Variants in C2orf74 observed in about 807,000 individuals in gnomAD.
C2orf74 encodes uncharacterized protein C2orf74.
In C2orf74, 14 loss-of-function variants were observed where a neutral mutation model predicts 17.9. The observed-to-expected ratio is 0.78, with a 90% CI of 0.52 to 1.22. The LOEUF is 1.22. Ranked by LOEUF, C2orf74 falls within the 50% of genes most tolerant of loss-of-function variation. The probability of loss-of-function intolerance (pLI) is 0.00; values close to 1 mark genes in which losing one functional copy is unlikely to be tolerated. For missense variants in C2orf74, 217 were observed against 218.4 expected, an observed-to-expected ratio of 0.99 and a Z score of 0.04; for synonymous variants, 79 against 72.6, an observed-to-expected ratio of 1.09 and a Z score of -0.44.
chr2:61,162,693 CA>C (rs1685599324), intron 2 of C2orf74, 84 bp downstream of exon 2: 1 of 1,095,370 alleles, frequency 9.1e-7, no homozygotes, highest in African/African-American at 1.6e-5. Flanking sequence ...CAATTTAAAA[CA>C]GAACAAGTAA....
At chr2:61,153,617 G>A (rs556951347) in intron 1 of C2orf74, among the ~76,000 whole-genome samples, 32 of 150,540 alleles carry the variant, frequency 2.1e-4, no homozygotes, top group African/African-American at 6.8e-4. Flanking sequence ...AACTGGGCGC[G>A]GTGGCTCACG....
In C2orf74 at chr2:61,164,382, CT is replaced by C. The variant is rs2103653277; in HGVS notation, c.420del (p.Val141SerfsTer15). ...GATGGTTTGCAGAAAATACACACAT[CT>C]GTCACTAGAACTCCTTCAGTTGTTG... ...EDDGLQKIHT[S>X]VTRTPSVVES... On this transcript the variant is annotated frameshift_variant, in exon 5 of 5. Coordinates refer to ENST00000432605, the MANE Select transcript of C2orf74 (RefSeq NM_001143959.4). LOFTEE classifies it high-confidence loss of function. 1.3e-6 allele frequency: 2 copies of C among 1,548,216 alleles called. No homozygotes were observed. The highest frequency in any genetic ancestry group is 1.7e-6 in the Non-Finnish European group (2 of 1,145,984).
At position 61,145,419 on chromosome 2, in the gene C2orf74, T is replaced by G. The variant is rs1051853204; in HGVS notation, c.-122+223T>G. ...AGATGCTTAGCTGCATGTTTTTGTG[T>G]TTTTTATTTATTTATTTATTTTTTT... On this transcript the variant is annotated intron_variant, in intron 1 of 3. Transcript: ENST00000426997. Among the ~76,000 whole-genome samples, 54 of 152,084 alleles carry G rather than the reference T, an allele frequency of 3.6e-4. 1 individual carries two copies. Among genetic ancestry groups the G allele is most frequent in the Admixed American group, 3.3e-3 (51 of 15,252 alleles).
chr2:61,151,062 A>G (rs1361152900), intron 1 of C2orf74, among the ~76,000 whole-genome samples: 4 of 152,256 alleles, frequency 2.6e-5, no homozygotes, highest in African/African-American at 9.6e-5. Flanking sequence ...TCACGCCTGT[A>G]ATCCCAGCAC....
intron 1 of C2orf74, among the ~76,000 whole-genome samples, chr2:61,155,039 T>C (rs1255789658): frequency 6.6e-6 from 1 of 152,164 alleles, no homozygotes; most frequent in Non-Finnish European, 1.5e-5. Context: ...CACTCCAGCC[T>C]GGGCAACACA....
chr2:61,162,761 T>C (rs981885953), intron 2 of C2orf74, 81 bp from the exon 3 acceptor site: 5 of 1,219,250 alleles, frequency 4.1e-6, no homozygotes, highest in Non-Finnish European at 5.9e-6. Flanking sequence ...TGATATCCTG[T>C]TTAAACGTGA....
chr2:61,152,145 G>C (rs1426425230), intron 1 of C2orf74: 1 of 152,390 alleles, frequency 6.6e-6, no homozygotes, highest in Non-Finnish European at 1.5e-5. Context: ...GTAGAACAAC[G>C]AGTGGTTTAG....
At chr2:61,149,868 C>T (rs555570543) in intron 1 of C2orf74, among the ~76,000 whole-genome samples, 56 of 152,098 alleles carry the variant, frequency 3.7e-4, no homozygotes, top group Non-Finnish European at 6.5e-4. Context: ...CATGAGCCAC[C>T]GCACGTAGAT....
At chr2:61,149,310 T>G (rs1488021170) in intron 1 of C2orf74, among the ~76,000 whole-genome samples, 1 of 152,140 alleles carries the variant, frequency 6.6e-6, no homozygotes, top group Non-Finnish European at 1.5e-5. Flanking sequence ...GGGCCATAGA[T>G]GTGTCCTGCT....
upstream of C2orf74, chr2:61,161,651 T>TTG (rs1437663541): frequency 6.6e-6 from 1 of 152,246 alleles, no homozygotes; most frequent in Non-Finnish European, 1.5e-5. Flanking sequence ...TGTTGAAGAC[T>TTG]TGTGCATCAA....
At chr2:61,145,225 G>A (rs1490367381) in intron 1 of C2orf74, 1 of 152,190 alleles carries the variant, frequency 6.6e-6, no homozygotes, top group East Asian at 1.9e-4. Flanking sequence ...AGGAGTTTTA[G>A]CGTCATCTTT....
chr2:61,147,710 C>T (rs1685111490), intron 1 of C2orf74, among the ~76,000 whole-genome samples: 1 of 152,056 alleles, frequency 6.6e-6, no homozygotes, highest in Non-Finnish European at 1.5e-5. Flanking sequence ...TACGTTGATC[C>T]TTTAAAGATT....
At position 61,162,958 on chromosome 2, in the gene C2orf74, G is replaced by A. The variant is rs1174205642; in HGVS notation, c.209+3G>A. On this transcript the variant is annotated splice_donor_region_variant and intron_variant, in intron 3 of 4. Transcript: ENST00000432605. ...AGCAATCCAGAGGACCATGAAAGGC[G>A]AGTGTGGTGCAGGATGTGGCAGAGG... 1.9e-6 allele frequency: 3 copies of A among 1,552,322 alleles called. No individual in the cohort carries two copies. Among genetic ancestry groups the A allele is most frequent in the Non-Finnish European group, 1.7e-6 (2 of 1,147,020 alleles).
At position 61,163,084 on chromosome 2, in the gene C2orf74, C is replaced by T. The variant is rs141729970; in HGVS notation, c.242C>T (p.Pro81Leu). The change falls in exon 4 of 5, where the codon CCG (proline) becomes CTG (leucine). Residue 81 changes from proline (P) to leucine (L), a missense_variant. Pro to Leu is a moderately conservative substitution (Grantham distance 98). Coordinates refer to ENST00000432605, the MANE Select transcript of C2orf74 (RefSeq NM_001143959.4). ...ATGCAAGTCATGAACTTGAATGTGCCGATGAGGCCTGGCATTCTTGTCCAG... is the reference window on the plus strand; with the variant it reads ...ATGCAAGTCATGAACTTGAATGTGCTGATGAGGCCTGGCATTCTTGTCCAG... ...ILMQVMNLNV[P>L]MRPGILVQRQ... is the part of the protein sequence containing the mutation. 1,085 of 1,552,026 alleles carry T rather than the reference C, an allele frequency of 7.0e-4. 7 individuals carry two copies. The Middle Eastern group carries it at 9.5e-3, about 14-fold the overall frequency.
upstream of C2orf74, among the ~76,000 whole-genome samples, chr2:61,160,254 G>A (rs1446041184): frequency 5.3e-5 from 8 of 151,768 alleles, no homozygotes; most frequent in East Asian, 3.9e-4. Context: ...TCCGCCTCCT[G>A]GGTTCAAGCA....
intron 1 of C2orf74, among the ~76,000 whole-genome samples, chr2:61,153,133 A>G: frequency 6.7e-6 from 1 of 149,014 alleles, no homozygotes; most frequent in East Asian, 2.0e-4. Flanking sequence ...GGGCAACAAG[A>G]GCAAAACTCC....
intron 1 of C2orf74, among the ~76,000 whole-genome samples, chr2:61,155,443 C>G (rs1237165731): frequency 6.6e-6 from 1 of 152,166 alleles, no homozygotes; most frequent in Non-Finnish European, 1.5e-5. Context: ...CAAATGAATG[C>G]AATTCATTAT....
At chr2:61,160,747 C>T (rs1000990414), upstream of C2orf74, among the ~76,000 whole-genome samples, 4 of 152,228 alleles carry the variant, frequency 2.6e-5, no homozygotes, top group Non-Finnish European at 1.5e-5. Context: ...GCCTCAGCCT[C>T]CCAAAGTGCT....
intron 1 of C2orf74, among the ~76,000 whole-genome samples, chr2:61,150,600 A>G (rs1465257831): frequency 6.6e-6 from 1 of 152,184 alleles, no homozygotes; most frequent in Non-Finnish European, 1.5e-5. Context: ...TGCAGCTACA[A>G]GAGGAGACAT....
Sources: gnomAD v4.1 joint callset for allele counts (sites outside exome capture counted in the v4.1 genomes callset) on GRCh38, gnomAD v4.1.1 for gene constraint, MANE v1.5 for transcripts, NCBI Gene and HGNC (gene_info 2026-07-23, HGNC 2026-07-21) for gene names.